Variants in CLCN5 observed in about 807,000 individuals in gnomAD.
CLCN5 encodes the protein H(+)/Cl(-) exchange transporter 5.
In CLCN5, 17 loss-of-function variants were observed where a neutral mutation model predicts 54.0. The observed-to-expected ratio is 0.31, with a 90% confidence interval of 0.22 to 0.47. CLCN5 has a LOEUF of 0.47. Ranked by LOEUF, CLCN5 falls within the 20% of genes least tolerant of loss-of-function variation. CLCN5 has a pLI of 1.00. For missense variants in CLCN5, 448 were observed against 646.7 expected, an observed-to-expected ratio of 0.69 and a Z score of 3.33; for synonymous variants, 222 against 233.0, an observed-to-expected ratio of 0.95 and a Z score of 0.43.
chrX:50,052,790 C>A (rs996274015), intron 4 of CLCN5, among the ~76,000 whole-genome samples: 1 of 111,248 alleles, frequency 9.0e-6, no homozygotes, highest in South Asian at 3.8e-4. Flanking sequence ...TATTGTATGC[C>A]TGAAAATTGC....
chrX:49,963,084 G>A (rs181890264), intron 3 of CLCN5, among the ~76,000 whole-genome samples: 7 of 111,902 alleles, frequency 6.3e-5, no homozygotes, highest in African/African-American at 2.3e-4. Context: ...CTTGAATTGA[G>A]GTAGGTAAGA....
chrX:50,002,879 AT>A (rs1929938744), intron 3 of CLCN5, among the ~76,000 whole-genome samples: 1 of 111,533 alleles, frequency 9.0e-6, no homozygotes, highest in African/African-American at 3.3e-5. Flanking sequence ...CACCTCATGG[AT>A]ATTTTATGAG....
chrX:50,079,045 G>C (rs1222417151), intron 7 of CLCN5, among the ~76,000 whole-genome samples: 1 of 111,483 alleles, frequency 9.0e-6, no homozygotes, highest in Non-Finnish European at 1.9e-5. Flanking sequence ...GGATGGTCTT[G>C]ATCTCCTGAC....
intron 3 of CLCN5, among the ~76,000 whole-genome samples, chrX:49,988,155 GA>G (rs1929068886): frequency 9.0e-6 from 1 of 111,065 alleles, no homozygotes; most frequent in Non-Finnish European, 1.9e-5. Context: ...CCTCCAGCAA[GA>G]AACCTCAGAG....
At chrX:49,983,236 GGGAGTATTA>G (rs1218533129) in intron 3 of CLCN5, among the ~76,000 whole-genome samples, 2 of 112,053 alleles carry the variant, frequency 1.8e-5, no homozygotes, top group Non-Finnish European at 3.8e-5. Flanking sequence ...TCTCTGAACT[GGGAGTATTA>G]GCTCAGAACA....
intron 9 of CLCN5, among the ~76,000 whole-genome samples, chrX:50,082,487 AT>A (rs1350891587): frequency 9.1e-6 from 1 of 109,434 alleles, no homozygotes; most frequent in Non-Finnish European, 1.9e-5. Context: ...TAATTTTTGT[AT>A]TTTTTGTAGA....
intron 4 of CLCN5, chrX:50,068,093 A>G (rs374597107): frequency 2.7e-5 from 3 of 111,910 alleles, no homozygotes; most frequent in South Asian, 3.8e-4. Flanking sequence ...ACAAAATCCT[A>G]TTTTTCCCCT....
intron 3 of CLCN5, among the ~76,000 whole-genome samples, chrX:49,937,346 T>A (rs2147264636): frequency 8.9e-6 from 1 of 112,147 alleles, no homozygotes; most frequent in African/African-American, 3.2e-5. Flanking sequence ...TTCTGTACAC[T>A]GCTCGACTTG....
intron 3 of CLCN5, among the ~76,000 whole-genome samples, chrX:49,964,153 G>T (rs1458195492): frequency 8.9e-6 from 1 of 112,048 alleles, no homozygotes; most frequent in East Asian, 2.8e-4. Context: ...CTACTTCTAA[G>T]ATATGTTCTT....
At chrX:50,009,099 A>G (rs1239443083) in intron 3 of CLCN5, 5 of 300,509 alleles carry the variant, frequency 1.7e-5, no homozygotes, top group South Asian at 9.8e-5. Context: ...TGTGTTTGCT[A>G]TGCGGTGCCA....
At chrX:50,034,456 A>G (rs1931894664) in intron 3 of CLCN5, among the ~76,000 whole-genome samples, 1 of 111,681 alleles carries the variant, frequency 9.0e-6, no homozygotes, top group Admixed American at 9.6e-5. Context: ...AGTATCCGGC[A>G]TATATTACTT....
chrX:49,953,034 C>T (rs1451091630), intron 3 of CLCN5, among the ~76,000 whole-genome samples: 1 of 110,526 alleles, frequency 9.0e-6, no homozygotes, highest in Non-Finnish European at 1.9e-5. Flanking sequence ...TACAGGCATG[C>T]ACCACCACGC....
chrX:50,040,650 A>G (rs187194980), intron 3 of CLCN5, among the ~76,000 whole-genome samples: 2 of 111,987 alleles, frequency 1.8e-5, no homozygotes, highest in Admixed American at 9.5e-5. Flanking sequence ...TAGCATATCC[A>G]TTACCTCAAA....
intron 3 of CLCN5, among the ~76,000 whole-genome samples, chrX:50,016,250 A>C (rs1930785463): frequency 9.0e-6 from 1 of 111,596 alleles, no homozygotes; most frequent in African/African-American, 3.3e-5. Context: ...ATGACTTAAA[A>C]TTTCTATTCT....
At chrX:49,997,670 T>A (rs1929591060) in intron 3 of CLCN5, among the ~76,000 whole-genome samples, 1 of 108,788 alleles carries the variant, frequency 9.2e-6, no homozygotes, top group Admixed American at 9.8e-5. Flanking sequence ...ACACTACAGA[T>A]GTGTGCTACT....
At chrX:50,059,386 G>A (rs1569539713) in intron 4 of CLCN5, among the ~76,000 whole-genome samples, 1 of 111,697 alleles carries the variant, frequency 9.0e-6, no homozygotes, top group African/African-American at 3.2e-5. Flanking sequence ...TTGCTGTAGG[G>A]GCCACTGGCA....
intron 3 of CLCN5, among the ~76,000 whole-genome samples, chrX:49,969,874 G>C (rs1167214389): frequency 2.7e-5 from 3 of 111,515 alleles, no homozygotes; most frequent in African/African-American, 9.8e-5. Context: ...TGTGATTATG[G>C]ATTTATCTAT....
chrX:50,044,768 T>C (rs1041095950), intron 4 of CLCN5, among the ~76,000 whole-genome samples: 3 of 111,356 alleles, frequency 2.7e-5, no homozygotes, highest in Non-Finnish European at 5.7e-5. Context: ...GGCTTGACCA[T>C]TGTGCGGCCA....
At chrX:50,040,528 G>T (rs1241444222) in intron 3 of CLCN5, among the ~76,000 whole-genome samples, 1 of 111,818 alleles carries the variant, frequency 8.9e-6, no homozygotes, top group Non-Finnish European at 1.9e-5. Context: ...CATTGAGATT[G>T]CATTTCTTTT....
Sources: gnomAD v4.1 joint callset for allele counts (sites outside exome capture counted in the v4.1 genomes callset) on GRCh38, gnomAD v4.1.1 for gene constraint, MANE v1.5 for transcripts, NCBI Gene and HGNC (gene_info 2026-07-23, HGNC 2026-07-21) for gene names.